The following BCAS1 variants were observed in gnomAD, a reference collection of about 807,000 sequenced individuals.
BCAS1 encodes the protein breast carcinoma-amplified sequence 1.
In BCAS1, 46 loss-of-function variants were observed where a neutral mutation model predicts 65.4. The ratio of observed to expected loss-of-function variants is 0.70; its 90% confidence interval spans 0.55 to 0.90. BCAS1 has a LOEUF of 0.90. BCAS1 is among the 40% of genes least tolerant of loss of function. The pLI is 0.00. For missense variants in BCAS1, 793 were observed against 771.2 expected (o/e 1.03, Z -0.33); for synonymous variants, 298 against 293.5 (o/e 1.02, Z -0.16).
intron 8 of BCAS1, among the ~76,000 whole-genome samples, chr20:53,979,933 T>C (rs1297225242): frequency 6.6e-6 from 1 of 152,204 alleles, no homozygotes; most frequent in Admixed American, 6.5e-5. Context: ...AGTAATTCTA[T>C]GTTGCTTTTG....
intron 4 of BCAS1, among the ~76,000 whole-genome samples, chr20:54,008,659 C>T (rs902517894): frequency 2.6e-5 from 4 of 152,150 alleles, no homozygotes; most frequent in African/African-American, 4.8e-5. Flanking sequence ...GATGCAGTCT[C>T]ATAATATGAA....
intron 10 of BCAS1, among the ~76,000 whole-genome samples, chr20:53,966,520 G>A (rs191612718): frequency 1.0e-3 from 154 of 152,244 alleles, no homozygotes; most frequent in Non-Finnish European, 1.8e-3. Context: ...ACTGCATACT[G>A]GCTGTAGTGC....
At chr20:53,952,948 C>T (rs576530412) in intron 12 of BCAS1, among the ~76,000 whole-genome samples, 46 of 152,216 alleles carry the variant, frequency 3.0e-4, no homozygotes, top group South Asian at 8.3e-4. Flanking sequence ...TTTTTTAACA[C>T]GTCAAATTGG....
At chr20:53,974,294 C>A (rs2090267249) in intron 9 of BCAS1, among the ~76,000 whole-genome samples, 1 of 152,192 alleles carries the variant, frequency 6.6e-6, no homozygotes, top group South Asian at 2.1e-4. Flanking sequence ...AATCTTGCTG[C>A]TGCTCACTCT....
chr20:53,985,747 C>T (rs1568845227), intron 7 of BCAS1, among the ~76,000 whole-genome samples: 1 of 151,994 alleles, frequency 6.6e-6, no homozygotes, highest in Non-Finnish European at 1.5e-5. Context: ...ATGTAAGTAA[C>T]TCATTAGGAA....
intron 3 of BCAS1, among the ~76,000 whole-genome samples, chr20:54,041,583 T>C (rs2091992278): frequency 6.6e-6 from 1 of 151,900 alleles, no homozygotes; most frequent in Admixed American, 6.6e-5. Flanking sequence ...GGAAAGCGTA[T>C]AAAAAAAGAG....
intron 12 of BCAS1, among the ~76,000 whole-genome samples, chr20:53,950,846 C>A (rs575447233): frequency 1.2e-4 from 18 of 146,554 alleles, no homozygotes; most frequent in Admixed American, 7.7e-4. Flanking sequence ...TGCAACTAGT[C>A]AACCCTCATG....
chr20:53,976,824 T>C (rs2090346889), intron 8 of BCAS1, among the ~76,000 whole-genome samples: 3 of 152,206 alleles, frequency 2.0e-5, no homozygotes, highest in Non-Finnish European at 2.9e-5. Flanking sequence ...CACAGTGAAG[T>C]TTCTCTGGGC....
In BCAS1 at chr20:53,957,444, G is replaced by C; in HGVS notation, c.1539C>G (p.Asp513Glu). Residue 513 changes from aspartate to glutamate, a missense_variant, in exon 11 of 13, where the codon GAC (aspartate) becomes GAG (glutamate). By Grantham distance (45) the Asp-to-Glu change is conservative. Transcript: ENST00000688948. ...ITHSEEINGK[D>E]SSCQTSDSTE... ...CGAGGTCACTTACTTGGCAGCTGGA[G>C]TCTTTCCCATTTATTTCTTCTGAGT... 1.2e-6 allele frequency: 2 copies of C among 1,614,034 alleles called. No homozygotes were observed. The highest frequency in any genetic ancestry group is 1.7e-6 in the Non-Finnish European group (2 of 1,179,876).
At chr20:53,947,096 A>T (rs906107573) in intron 12 of BCAS1, among the ~76,000 whole-genome samples, 5 of 152,248 alleles carry the variant, frequency 3.3e-5, no homozygotes, top group African/African-American at 1.2e-4. Flanking sequence ...TTACCAAGGA[A>T]TCAGATTGCT....
chr20:54,032,892 C>T (rs925776465), intron 3 of BCAS1, among the ~76,000 whole-genome samples: 75 of 150,958 alleles, frequency 5.0e-4, no homozygotes, highest in African/African-American at 1.7e-3. Context: ...TTTAATACCC[C>T]ATGACAATAT....
intron 10 of BCAS1, 74 bp from the exon 11 acceptor site, chr20:53,957,571 G>GACT: frequency 7.3e-7 from 1 of 1,369,688 alleles, no homozygotes; most frequent in African/African-American, 1.4e-5. Flanking sequence ...GTTCTGAAAT[G>GACT]GATGATCTCA....
chr20:54,058,615 T>TTG, intron 2 of BCAS1, 32 bp downstream of exon 2: 1 of 1,516,404 alleles, frequency 6.6e-7, no homozygotes, highest in Non-Finnish European at 8.8e-7. Flanking sequence ...TTTTTTTTTC[T>TTG]GCTGATGCCC....
At position 54,018,625 on chromosome 20, in the gene BCAS1, C is replaced by T. The variant is rs544695507; in HGVS notation, c.723+9767G>A. On this transcript the variant is annotated intron_variant, in intron 4 of 12. Coordinates refer to ENST00000688948, the MANE Select transcript of BCAS1 (RefSeq NM_001366298.2). Reference sequence around the variant, plus strand: ...TGCTGGGATTACAGGCGTGAGCCACCGCGCCCAGCCTCCCACCCCTTTTAT... The same window carrying T: ...TGCTGGGATTACAGGCGTGAGCCACTGCGCCCAGCCTCCCACCCCTTTTAT... 6.6e-5 allele frequency among the ~76,000 whole-genome samples: 10 copies of T among 152,170 alleles called. No individual in the cohort carries two copies. The East Asian group carries it at 1.9e-3, about 29-fold the overall frequency.
At chr20:54,050,010 TG>T (rs1246623180) in intron 3 of BCAS1, among the ~76,000 whole-genome samples, 2 of 152,134 alleles carry the variant, frequency 1.3e-5, no homozygotes, top group Admixed American at 6.5e-5. Context: ...AGGTCAAAAA[TG>T]GGTCAGCTTC....
intron 9 of BCAS1, 121 bp from the exon 10 acceptor site, chr20:53,967,194 G>A (rs1407487201): frequency 4.0e-6 from 4 of 1,009,032 alleles, no homozygotes; most frequent in African/African-American, 1.6e-5. Context: ...TTGAATCTAT[G>A]ACCATTTCTA....
chr20:53,979,324 G>A (rs1158033415), intron 8 of BCAS1, among the ~76,000 whole-genome samples: 1 of 152,172 alleles, frequency 6.6e-6, no homozygotes, highest in Non-Finnish European at 1.5e-5. Context: ...GGAAATAGTG[G>A]TTCTGGGTAG....
At chr20:54,002,731 A>G (rs76440469) in intron 4 of BCAS1, among the ~76,000 whole-genome samples, 6,978 of 152,314 alleles carry the variant, frequency 0.046, 500 homozygotes, top group African/African-American at 0.16. Flanking sequence ...CATTATTTAT[A>G]AATGAATAAA....
intron 3 of BCAS1, among the ~76,000 whole-genome samples, chr20:54,057,446 G>C (rs548452145): frequency 6.6e-6 from 1 of 152,354 alleles, no homozygotes; most frequent in East Asian, 1.9e-4. Flanking sequence ...AGGTCACACA[G>C]CCAGTAATCT....
Sources: allele counts gnomAD v4.1 joint callset (sites outside exome capture counted in the v4.1 genomes callset), GRCh38; gene constraint gnomAD v4.1.1; transcripts MANE v1.5; gene names NCBI Gene and HGNC (gene_info 2026-07-23, HGNC 2026-07-21).